RNF38: variants seen among roughly 807,000 people sequenced by gnomAD.
RNF38 encodes the protein ring finger protein 38.
A neutral mutation model predicts 67.2 loss-of-function variants in RNF38; 15 were observed. The ratio of observed to expected loss-of-function variants is 0.22; its 90% confidence interval spans 0.15 to 0.34. RNF38 has a LOEUF of 0.34. Ranked by LOEUF, RNF38 falls within the 10% of genes least tolerant of loss-of-function variation. The pLI, the probability that RNF38 is intolerant of heterozygous loss-of-function variation, is 1.00. For missense variants in RNF38, 524 were observed against 639.9 expected (o/e 0.82, Z 1.95); for synonymous variants, 220 against 218.8 (o/e 1.01, Z -0.05).
In RNF38 at chr9:36,413,863, T is replaced by C. The variant is rs1169017205; in HGVS notation, n.312+10750A>G. Reference sequence around the variant, plus strand: ...GAGTATTGAAGTCCTCCACTATTATTGTGCTGCTGTTTTCTAGTAGCAATT... The same window carrying C: ...GAGTATTGAAGTCCTCCACTATTATCGTGCTGCTGTTTTCTAGTAGCAATT... On this transcript the variant is annotated intron_variant and non_coding_transcript_variant, in intron 2 of 3. Transcript: ENST00000488058. 2.6e-5 allele frequency among the ~76,000 whole-genome samples: 4 copies of C among 152,350 alleles called. No homozygotes were observed. The East Asian group carries it at 7.7e-4, about 29-fold the overall frequency.
At chr9:36,473,681 G>A (rs1360555696) in intron 1 of RNF38, among the ~76,000 whole-genome samples, 4 of 151,914 alleles carry the variant, frequency 2.6e-5, no homozygotes, top group African/African-American at 7.3e-5. Context: ...ACCAAGTAAT[G>A]AATGATTTAA....
At chr9:36,339,851 C>T (rs749574071) in intron 11 of RNF38, 37 bp from the exon 12 acceptor site, 1 of 1,521,486 alleles carries the variant, frequency 6.6e-7, no homozygotes, top group East Asian at 2.3e-5. Flanking sequence ...TAAATTGTGA[C>T]ACATACAATG....
chr9:36,445,174 TACAG>T (rs1262991054), intron 1 of RNF38, among the ~76,000 whole-genome samples: 2 of 152,122 alleles, frequency 1.3e-5, no homozygotes, highest in African/African-American at 4.8e-5. Context: ...GGTACGCACT[TACAG>T]ACAACCTATC....
At chr9:36,394,810 T>C (rs1837399557) in intron 1 of RNF38, among the ~76,000 whole-genome samples, 1 of 152,226 alleles carries the variant, frequency 6.6e-6, no homozygotes, top group Non-Finnish European at 1.5e-5. Flanking sequence ...GTATCAACTA[T>C]TCCACCAGGC....
chr9:36,397,019 G>C (rs1011730228), intron 1 of RNF38, among the ~76,000 whole-genome samples: 1 of 146,854 alleles, frequency 6.8e-6, no homozygotes, highest in Non-Finnish European at 1.5e-5. Flanking sequence ...ATATGTGTGT[G>C]TGTGTGTATA....
At chr9:36,400,460 T>C (rs1418839714), upstream of RNF38, 10 of 1,045,522 alleles carry the variant, frequency 9.6e-6, no homozygotes, top group Non-Finnish European at 1.2e-5. Flanking sequence ...GAGGCAAACC[T>C]TAGCCCAAGA....
chr9:36,352,241 A>C (rs1833747124), intron 8 of RNF38, among the ~76,000 whole-genome samples: 1 of 151,956 alleles, frequency 6.6e-6, no homozygotes. Flanking sequence ...CAGAGCTTGC[A>C]GTGAGCCGAG....
chr9:36,454,728 G>A (rs1839544556), intron 1 of RNF38, among the ~76,000 whole-genome samples: 1 of 150,724 alleles, frequency 6.6e-6, no homozygotes, highest in Admixed American at 6.6e-5. Context: ...GATTACAGGT[G>A]TTCACTACCA....
upstream of RNF38, among the ~76,000 whole-genome samples, chr9:36,405,696 CT>C (rs1838161150): frequency 1.3e-5 from 2 of 151,940 alleles, no homozygotes; most frequent in African/African-American, 4.8e-5. Flanking sequence ...CCTGTTTTTT[CT>C]TTATTTCTAA....
At chr9:36,464,440 G>A (rs1430569434) in intron 1 of RNF38, among the ~76,000 whole-genome samples, 7 of 151,824 alleles carry the variant, frequency 4.6e-5, no homozygotes, top group African/African-American at 7.3e-5. Flanking sequence ...GTGTGGTGGC[G>A]CACACCTGTA....
chr9:36,424,710 AG>A, intron 1 of RNF38: 1 of 920,558 alleles, frequency 1.1e-6, no homozygotes, highest in Non-Finnish European at 1.3e-6. Context: ...GGAAAGGTTA[AG>A]ATGCAGTAAT....
chr9:36,433,865 C>T (rs1466460418), intron 1 of RNF38, among the ~76,000 whole-genome samples: 1 of 152,034 alleles, frequency 6.6e-6, no homozygotes, highest in Non-Finnish European at 1.5e-5. Context: ...GGCTCTCAAA[C>T]ATTGCTAGTA....
intron 5 of RNF38, among the ~76,000 whole-genome samples, chr9:36,356,696 T>C (rs1045081727): frequency 7.0e-6 from 1 of 143,430 alleles, no homozygotes; most frequent in African/African-American, 2.6e-5. Context: ...TATAAATTGG[T>C]TGAAATCCTT....
At chr9:36,400,914 G>T, upstream of RNF38, 1 of 940,230 alleles carries the variant, frequency 1.1e-6, no homozygotes. Context: ...GCCCCGCCGC[G>T]CCCCGCCGCA....
rs1309988416 is a variant in RNF38 at position 36,479,817 on chromosome 9, C to T, written n.241+7491G>A. Among the ~76,000 whole-genome samples the T allele has an allele frequency of 3.3e-5, 5 of 152,004 alleles. No homozygotes were observed. In the East Asian group the frequency reaches 7.7e-4, roughly 23 times the overall value. On this transcript the variant is annotated intron_variant and non_coding_transcript_variant, in intron 1 of 3. Coordinates refer to the RNF38 transcript ENST00000488058. ...ACTTTTTATTAATTATGAGTCCCAGCCGGGCATAGTGGCTCATTCCTGTAG... is the reference window on the plus strand; with the variant it reads ...ACTTTTTATTAATTATGAGTCCCAGTCGGGCATAGTGGCTCATTCCTGTAG...
intron 2 of RNF38, among the ~76,000 whole-genome samples, chr9:36,383,393 T>C (rs1038801023): frequency 1.3e-5 from 2 of 152,144 alleles, no homozygotes; most frequent in African/African-American, 2.4e-5. Context: ...TATTTCACCA[T>C]GTTGGCCAAG....
chr9:36,461,912 C>A (rs139280974), intron 1 of RNF38, among the ~76,000 whole-genome samples: 1 of 152,090 alleles, frequency 6.6e-6, no homozygotes, highest in African/African-American at 2.4e-5. Flanking sequence ...ATATTTAAAT[C>A]CTTGGGAACA....
intron 1 of RNF38, among the ~76,000 whole-genome samples, chr9:36,445,117 GGACAGTCTGTTGT>G (rs1048903305): frequency 5.9e-5 from 9 of 152,166 alleles, no homozygotes; most frequent in Non-Finnish European, 8.8e-5. Context: ...TTTTGCGATG[GGACAGTCTGTTGT>G]GACATGATGC....
intron 2 of RNF38, among the ~76,000 whole-genome samples, chr9:36,380,898 A>G (rs145758844): frequency 1.6e-4 from 24 of 152,348 alleles, no homozygotes; most frequent in Admixed American, 4.6e-4. Flanking sequence ...TGTATTTTTG[A>G]TGCTCTCAAG....
Sources: allele counts gnomAD v4.1 joint callset (sites outside exome capture counted in the v4.1 genomes callset), GRCh38; gene constraint gnomAD v4.1.1; transcripts MANE v1.5; gene names NCBI Gene and HGNC (gene_info 2026-07-23, HGNC 2026-07-21).